Variants in TMCO5A observed in about 807,000 individuals in gnomAD.
The protein encoded by TMCO5A is transmembrane and coiled-coil domain-containing protein 5A.
Under a neutral mutation model 42.3 loss-of-function variants are expected in TMCO5A, and 34 were observed. That is an observed-to-expected ratio of 0.80 (90% CI 0.61 to 1.07). The LOEUF is 1.07. Among genes scored for constraint, TMCO5A ranks in the 50% least tolerant of loss-of-function variants. The probability of loss-of-function intolerance (pLI) is 0.00; values close to 1 mark genes in which losing one functional copy is unlikely to be tolerated. For synonymous variants in TMCO5A, 131 were observed against 115.6 expected (o/e 1.13, Z -0.86); for missense variants, 357 against 327.9 (o/e 1.09, Z -0.69).
the TMCO5A span, among the ~76,000 whole-genome samples, chr15:38,011,587 T>C: frequency 6.6e-6 from 1 of 152,290 alleles, no homozygotes; most frequent in African/African-American, 2.4e-5. Flanking sequence ...TGGCTCTTTA[T>C]CACCTGCTGA....
chr15:37,965,680 G>A (rs1444715643), intron 11 of TMCO5A, among the ~76,000 whole-genome samples: 2 of 152,142 alleles, frequency 1.3e-5, no homozygotes, highest in Admixed American at 6.5e-5. Flanking sequence ...TTGATCATCA[G>A]AGAAATGCAA....
the TMCO5A span, among the ~76,000 whole-genome samples, chr15:37,995,853 A>AAC: frequency 6.6e-6 from 1 of 151,796 alleles, no homozygotes; most frequent in African/African-American, 2.4e-5. Context: ...TCCAAAAAAA[A>AAC]AACAAACAAA....
the TMCO5A span, among the ~76,000 whole-genome samples, chr15:37,985,904 T>C: frequency 1.3e-5 from 2 of 152,164 alleles, no homozygotes; most frequent in African/African-American, 2.4e-5. Context: ...ACTTGTACTC[T>C]ATTCTCTGTG....
chr15:38,023,248 T>C, the TMCO5A span, among the ~76,000 whole-genome samples: 1 of 152,178 alleles, frequency 6.6e-6, no homozygotes, highest in Non-Finnish European at 1.5e-5. Flanking sequence ...CAGTTAGTGA[T>C]AAACCACCTC....
At chr15:38,018,214 TAAACAG>T in the TMCO5A span, among the ~76,000 whole-genome samples, 1 of 152,096 alleles carries the variant, frequency 6.6e-6, no homozygotes, top group Admixed American at 6.6e-5. Context: ...CCTTTACTGG[TAAACAG>T]TAATAGACAA....
the TMCO5A span, among the ~76,000 whole-genome samples, chr15:38,000,784 T>C: frequency 6.6e-6 from 1 of 152,134 alleles, no homozygotes; most frequent in Non-Finnish European, 1.5e-5. Flanking sequence ...TTCAGAAACA[T>C]ACTGTTTACC....
chr15:37,953,144 C>A (rs78405276), downstream of TMCO5A, among the ~76,000 whole-genome samples: 2,439 of 152,294 alleles, frequency 0.016, 74 homozygotes, highest in African/African-American at 0.055. Context: ...TAACTCACCA[C>A]CCTGAAGGGA....
downstream of TMCO5A, among the ~76,000 whole-genome samples, chr15:37,953,697 A>G (rs965711162): frequency 4.6e-5 from 7 of 152,066 alleles, no homozygotes; most frequent in East Asian, 3.9e-4. Context: ...CCAGGAAAAC[A>G]TGACCTCACC....
the TMCO5A span, among the ~76,000 whole-genome samples, chr15:37,995,737 T>C: frequency 6.6e-6 from 1 of 152,120 alleles, no homozygotes; most frequent in Non-Finnish European, 1.5e-5. Context: ...ATTATTTTTA[T>C]CTCTGGCTGC....
the TMCO5A span, among the ~76,000 whole-genome samples, chr15:37,980,829 C>G: frequency 6.6e-6 from 1 of 152,062 alleles, no homozygotes; most frequent in East Asian, 1.9e-4. Flanking sequence ...GATAATGCAA[C>G]AAATCCACAC....
chr15:37,955,158 T>C (rs529950851), downstream of TMCO5A, among the ~76,000 whole-genome samples: 3 of 150,248 alleles, frequency 2.0e-5, no homozygotes, highest in African/African-American at 7.3e-5. Flanking sequence ...ACTGGCTGAA[T>C]GAATTTACAA....
chr15:37,959,287 C>T (rs1191149879), intron 11 of TMCO5A, among the ~76,000 whole-genome samples: 1 of 151,792 alleles, frequency 6.6e-6, no homozygotes, highest in Non-Finnish European at 1.5e-5. Flanking sequence ...TAAAGATGAA[C>T]TAATACCAAT....
At chr15:37,937,764 T>G (rs1445093501) in intron 5 of TMCO5A, among the ~76,000 whole-genome samples, 2 of 152,280 alleles carry the variant, frequency 1.3e-5, no homozygotes, top group Non-Finnish European at 2.9e-5. Context: ...ATAATTAACT[T>G]AATCCCCAAG....
chr15:37,996,219 C>T, the TMCO5A span, among the ~76,000 whole-genome samples: 5 of 152,176 alleles, frequency 3.3e-5, no homozygotes, highest in Admixed American at 6.5e-5. Context: ...ACCCTCACTA[C>T]GCCTTAGAGG....
At chr15:37,961,452 A>G (rs943303353) in intron 11 of TMCO5A, among the ~76,000 whole-genome samples, 2 of 151,792 alleles carry the variant, frequency 1.3e-5, no homozygotes. Context: ...GGCCTTATAG[A>G]TTTGTTTGAA....
the TMCO5A span, among the ~76,000 whole-genome samples, chr15:37,980,568 C>G: frequency 0.021 from 3,110 of 147,310 alleles, 47 homozygotes; most frequent in Middle Eastern, 0.036. Context: ...GTTTATTCGC[C>G]TTATTCGCCA....
intron 11 of TMCO5A, among the ~76,000 whole-genome samples, chr15:37,963,535 G>A (rs1174103688): frequency 6.6e-6 from 1 of 152,074 alleles, no homozygotes; most frequent in Non-Finnish European, 1.5e-5. Flanking sequence ...TGCAGTTGTT[G>A]GATAAAATGT....
chr15:37,966,875 G>C (rs1220117932), exon 12 of TMCO5A: 1 of 574,218 alleles, frequency 1.7e-6, no homozygotes, highest in Non-Finnish European at 3.1e-6. Flanking sequence ...ATTAAGAGCA[G>C]TCAAAGAAGA....
At chr15:37,977,648 G>A in the TMCO5A span, among the ~76,000 whole-genome samples, 1 of 152,220 alleles carries the variant, frequency 6.6e-6, no homozygotes, top group African/African-American at 2.4e-5. Flanking sequence ...CCACTCAAGT[G>A]TTGACTGAAG....
Sources: gnomAD v4.1 joint callset for allele counts (sites outside exome capture counted in the v4.1 genomes callset) on GRCh38, gnomAD v4.1.1 for gene constraint, MANE v1.5 for transcripts, NCBI Gene and HGNC (gene_info 2026-07-23, HGNC 2026-07-21) for gene names.